LARGE1: variants seen among roughly 807,000 people sequenced by gnomAD.
LARGE1 encodes the protein LARGE xylosyl- and glucuronyltransferase 1.
Under a neutral mutation model 87.6 loss-of-function variants are expected in LARGE1, and 43 were observed. The observed-to-expected ratio is 0.49, with a 90% CI of 0.38 to 0.63. LARGE1 has a LOEUF of 0.63. LARGE1 is among the 30% of genes least tolerant of loss of function. LARGE1 has a pLI of 0.00. For missense variants in LARGE1, 802 were observed against 1,000.2 expected, an observed-to-expected ratio of 0.80 and a Z score of 2.67; for synonymous variants, 434 against 394.6, an observed-to-expected ratio of 1.10 and a Z score of -1.18.
rs759469245 is a variant in LARGE1, at chr22:33,284,702, C to T, written c.1731-1354G>A. On this transcript the variant is annotated intron_variant, in intron 12 of 14. Transcript: ENST00000397394. ...AAGCGATTCTCCTGTCTCAGTCTCC[C>T]GAGTAGCTGGGACTACAGGCACATG... Among the ~76,000 whole-genome samples the T allele has an allele frequency of 5.3e-4, 80 of 152,080 alleles. 1 individual carries two copies. Among genetic ancestry groups the T allele is most frequent in the African/African-American group, 1.8e-3 (74 of 41,396 alleles).
At chr22:33,670,054 TCTC>T (rs370171372) in intron 2 of LARGE1, among the ~76,000 whole-genome samples, 5 of 152,282 alleles carry the variant, frequency 3.3e-5, no homozygotes, top group African/African-American at 1.2e-4. Context: ...CAAAAACTCT[TCTC>T]CTACAAATGA....
At chr22:33,425,120 G>C (rs1431876642) in intron 7 of LARGE1, among the ~76,000 whole-genome samples, 3 of 151,954 alleles carry the variant, frequency 2.0e-5, no homozygotes, top group Non-Finnish European at 4.4e-5. Context: ...AAATTAGCCA[G>C]GTGTGGTGGC....
chr22:33,800,188 C>A (rs1030011760), intron 1 of LARGE1, among the ~76,000 whole-genome samples: 1 of 152,164 alleles, frequency 6.6e-6, no homozygotes, highest in African/African-American at 2.4e-5. Flanking sequence ...CTGCTAAATA[C>A]CTACCTCCCT....
intron 11 of LARGE1, among the ~76,000 whole-genome samples, chr22:33,173,386 C>T (rs1922684661): frequency 1.3e-5 from 2 of 152,134 alleles, no homozygotes. Flanking sequence ...CGGTACCAGC[C>T]ACTGCAAAAA....
At chr22:33,872,069 TCCTTCGAGTTGAAGAA>T (rs985972389) in intron 1 of LARGE1, among the ~76,000 whole-genome samples, 15 of 151,204 alleles carry the variant, frequency 9.9e-5, no homozygotes, top group African/African-American at 3.4e-4. Context: ...TGGAGGGGGT[TCCTTCGAGTTGAAGAA>T]CCTAAAATAG....
intron 6 of LARGE1, among the ~76,000 whole-genome samples, chr22:33,441,071 CTTTTTTT>C (rs35976426): frequency 1.0e-5 from 1 of 98,556 alleles, no homozygotes; most frequent in African/African-American, 4.9e-5. Context: ...TTTGTTTGAA[CTTTTTTT>C]TTTTTTTTTT....
chr22:33,600,880 C>T (rs533754202), intron 5 of LARGE1, among the ~76,000 whole-genome samples: 13 of 152,276 alleles, frequency 8.5e-5, no homozygotes, highest in Admixed American at 8.5e-4. Flanking sequence ...ACCTGGCCAA[C>T]TTGGTGAAAC....
chr22:33,781,700 T>C (rs1388880801), intron 1 of LARGE1, among the ~76,000 whole-genome samples: 1 of 152,170 alleles, frequency 6.6e-6, no homozygotes, highest in Non-Finnish European at 1.5e-5. Context: ...AAATAATACT[T>C]ATCTAGCACT....
At chr22:33,094,819 A>G in the LARGE1 span, among the ~76,000 whole-genome samples, 6 of 152,218 alleles carry the variant, frequency 3.9e-5, no homozygotes, top group Non-Finnish European at 4.4e-5. Flanking sequence ...CCTGAGTTGA[A>G]GTGATTCTCC....
At chr22:33,703,817 TA>T (rs903260326) in intron 2 of LARGE1, among the ~76,000 whole-genome samples, 4 of 152,222 alleles carry the variant, frequency 2.6e-5, no homozygotes, top group African/African-American at 9.6e-5. Flanking sequence ...TTCAGAACGA[TA>T]AAAGAGTAAA....
chr22:33,555,323 G>T (rs1452756492), intron 6 of LARGE1, among the ~76,000 whole-genome samples: 1 of 151,972 alleles, frequency 6.6e-6, no homozygotes, highest in South Asian at 2.1e-4. Flanking sequence ...CTGGTACCTG[G>T]GTCTGTCCTC....
chr22:33,453,104 A>G (rs542093990), intron 6 of LARGE1, among the ~76,000 whole-genome samples: 17 of 152,320 alleles, frequency 1.1e-4, no homozygotes, highest in Admixed American at 2.0e-4. Context: ...TTGTAGTGCT[A>G]AAGCTAAGAC....
intron 6 of LARGE1, among the ~76,000 whole-genome samples, chr22:33,550,121 T>C (rs1205809642): frequency 6.7e-6 from 1 of 150,346 alleles, no homozygotes; most frequent in Admixed American, 6.7e-5. Context: ...ATTGTGCACA[T>C]GTACCCTAGA....
chr22:33,737,743 A>G (rs73170561), intron 2 of LARGE1: 5,158 of 152,310 alleles, frequency 0.034, 111 homozygotes, highest in Middle Eastern at 0.048. Context: ...GAGTGGGACA[A>G]CAATGAAGGC....
chr22:33,835,648 C>T lies in LARGE1; in HGVS notation c.-82-74090G>A, dbSNP rs567338048. 5.3e-5 allele frequency among the ~76,000 whole-genome samples: 8 copies of T among 152,302 alleles called. No individual in the cohort carries two copies. The South Asian group carries it at 1.0e-3, about 20-fold the overall frequency. ...CGGCCTATTTGGAAAGTCGTTATAA[C>T]GAAGAGCTAAGTTAGAAGCCAGGTT... On this transcript the variant is annotated intron_variant, in intron 1 of 14. Coordinates refer to ENST00000397394, the MANE Select transcript of LARGE1 (RefSeq NM_133642.5).
chr22:33,909,029 TG>T (rs1335303214), intron 1 of LARGE1, among the ~76,000 whole-genome samples: 12 of 152,168 alleles, frequency 7.9e-5, no homozygotes. Flanking sequence ...GGAAAAAGGT[TG>T]TTCTATAACC....
At chr22:33,259,943 G>A (rs1246025985) in intron 11 of LARGE1, among the ~76,000 whole-genome samples, 1 of 152,118 alleles carries the variant, frequency 6.6e-6, no homozygotes, top group African/African-American at 2.4e-5. Context: ...GCCAATTTGC[G>A]TTCCATATGC....
At chr22:33,442,147 C>T (rs951295504) in intron 6 of LARGE1, among the ~76,000 whole-genome samples, 10 of 152,228 alleles carry the variant, frequency 6.6e-5, no homozygotes, top group African/African-American at 2.4e-4. Flanking sequence ...CCATAACTAG[C>T]CATCAGTTAA....
chr22:33,571,778 T>A (rs971927372), intron 5 of LARGE1, among the ~76,000 whole-genome samples: 1 of 152,140 alleles, frequency 6.6e-6, no homozygotes, highest in African/African-American at 2.4e-5. Context: ...TACCTCAACT[T>A]TCAGTCCCCC....
Sources: gnomAD v4.1 joint callset for allele counts (sites outside exome capture counted in the v4.1 genomes callset) on GRCh38, gnomAD v4.1.1 for gene constraint, MANE v1.5 for transcripts, NCBI Gene and HGNC (gene_info 2026-07-23, HGNC 2026-07-21) for gene names.